Variants in CC2D2A observed in about 807,000 individuals in gnomAD.
CC2D2A encodes coiled-coil and C2 domain containing 2A.
A neutral mutation model predicts 212.9 loss-of-function variants in CC2D2A; 155 were observed. The observed-to-expected ratio is 0.73, with a 90% CI of 0.64 to 0.83. The LOEUF (loss-of-function observed/expected upper bound fraction) is 0.83, where lower values mean the gene tolerates loss of function less well. CC2D2A is among the 40% of genes least tolerant of loss of function. The probability of loss-of-function intolerance (pLI) is 0.00; values close to 1 mark genes in which losing one functional copy is unlikely to be tolerated. For missense variants in CC2D2A, 1,856 were observed against 1,956.2 expected, an observed-to-expected ratio of 0.95 and a Z score of 0.97; for synonymous variants, 667 against 686.5, an observed-to-expected ratio of 0.97 and a Z score of 0.44.
At chr4:15,599,422 C>T in intron 35 of CC2D2A, 107 bp from the exon 36 acceptor site, 1 of 701,366 alleles carries the variant, frequency 1.4e-6, no homozygotes, top group Non-Finnish European at 2.3e-6. Context: ...ACTCCATCAA[C>T]AAAAATATAG....
chr4:15,560,445 G>A lies in CC2D2A; in HGVS notation c.2923-86G>A, dbSNP rs1013018065. Reference sequence around the variant, plus strand: ...TGGAGGACTGGGGGGACACTGAGATGACATTAGGGTAAAAACTTAGAGTGT... The same window carrying A: ...TGGAGGACTGGGGGGACACTGAGATAACATTAGGGTAAAAACTTAGAGTGT... On this transcript the variant is annotated intron_variant, in intron 22 of 36. Transcript: ENST00000424120. 8 of 669,592 alleles carry A rather than the reference G, an allele frequency of 1.2e-5. No homozygotes were observed. In the South Asian group the frequency reaches 1.3e-4, roughly 11 times the overall value. 41.5% of individuals were successfully genotyped at this position (669,592 alleles called of 1,614,324 possible).
intron 31 of CC2D2A, among the ~76,000 whole-genome samples, chr4:15,586,820 T>C (rs541856952): frequency 6.6e-6 from 1 of 152,360 alleles, no homozygotes; most frequent in East Asian, 1.9e-4. Flanking sequence ...CTGGATCTCA[T>C]GTTGTACTGC....
intron 6 of CC2D2A, among the ~76,000 whole-genome samples, chr4:15,504,647 A>G (rs1286170198): frequency 6.6e-6 from 1 of 152,222 alleles, no homozygotes; most frequent in Non-Finnish European, 1.5e-5. Context: ...TTGTAGAAGT[A>G]AAAATATACT....
At position 15,601,426 on chromosome 4, in the gene CC2D2A, T is replaced by A. The variant is rs199945435; in HGVS notation, c.*1T>A. ...TGCCTCTCTTATACGCAACAGGTAA[T>A]TTTTTTCACTGTACTTTCTGTATCA... is the stretch of plus-strand genomic sequence containing the variant. On this transcript the variant is annotated 3_prime_UTR_variant, in exon 37 of 37. Transcript: ENST00000424120. 860 of 1,455,908 alleles carry A rather than the reference T, an allele frequency of 5.9e-4. 1 individual carries two copies. The highest frequency in any genetic ancestry group is 7.1e-4 in the Non-Finnish European group (779 of 1,097,768). The allele number at this position is 1,455,908 out of a possible 1,614,324, so 90.2% of individuals were successfully genotyped here. A position where few individuals can be genotyped will look rare whatever the true frequency, so the allele number is the denominator to read the frequency against.
intron 7 of CC2D2A, among the ~76,000 whole-genome samples, chr4:15,510,844 A>G (rs1398656987): frequency 6.6e-6 from 1 of 152,206 alleles, no homozygotes; most frequent in Non-Finnish European, 1.5e-5. Context: ...CAAAAGAGAA[A>G]CAACAAAAAA....
intron 26 of CC2D2A, 66 bp downstream of exon 26, chr4:15,567,852 A>G: frequency 8.5e-7 from 1 of 1,171,918 alleles, no homozygotes; most frequent in Non-Finnish European, 1.2e-6. Context: ...AAGCAGGCTC[A>G]TGAGAAACGG....
chr4:15,502,854 C>A lies in CC2D2A; in HGVS notation c.369C>A (p.Ile123=). The A allele has an allele frequency of 6.2e-7, 1 of 1,611,544 alleles. No homozygotes were observed. Among genetic ancestry groups the A allele is most frequent in the South Asian group, 1.1e-5 (1 of 90,240 alleles). Residue 123 remains isoleucine, a synonymous_variant, in exon 6 of 37, where the codon ATC becomes ATA. Transcript: ENST00000424120. ...SKAESALLQE[I]PTPRPRRLRS... ...CAGAAAGTGCATTGCTGCAGGAAAT[C>A]CCCACTCCTCGGCCCAGACGCTTAC...
chr4:15,488,516 T>G (rs933853751), intron 4 of CC2D2A, among the ~76,000 whole-genome samples: 5 of 152,234 alleles, frequency 3.3e-5, no homozygotes, highest in African/African-American at 1.2e-4. Context: ...GTCCTTGACT[T>G]TTGAGAGTGA....
intron 1 of CC2D2A, among the ~76,000 whole-genome samples, chr4:15,471,992 GC>G (rs1713862571): frequency 6.6e-6 from 1 of 152,154 alleles, no homozygotes; most frequent in Non-Finnish European, 1.5e-5. Flanking sequence ...TGTAGCCTAA[GC>G]CTTTTCTCAC....
chr4:15,586,273 G>A, intron 31 of CC2D2A, 27 bp downstream of exon 31: 1 of 1,421,670 alleles, frequency 7.0e-7, no homozygotes, highest in Non-Finnish European at 9.6e-7. Context: ...CACAGATTTA[G>A]AAACTTGAGC....
At chr4:15,557,850 TAGTC>T (rs1465022662) in intron 21 of CC2D2A, among the ~76,000 whole-genome samples, 2 of 152,234 alleles carry the variant, frequency 1.3e-5, no homozygotes, top group African/African-American at 2.4e-5. Context: ...TTGAATGCCT[TAGTC>T]AGGAATTCAA....
At chr4:15,539,410 A>C (rs1291036914) in intron 16 of CC2D2A, among the ~76,000 whole-genome samples, 2 of 152,230 alleles carry the variant, frequency 1.3e-5, no homozygotes, top group Non-Finnish European at 2.9e-5. Context: ...TGGAATCTTC[A>C]ATATCCCAAC....
rs777865405 is a variant in CC2D2A, at chr4:15,567,432, TC to T, written c.3242del (p.Pro1081GlnfsTer18). On this transcript the variant is annotated frameshift_variant, in exon 25 of 37. Coordinates refer to ENST00000424120, the MANE Select transcript of CC2D2A (RefSeq NM_001378615.1). LOFTEE classifies it high-confidence loss of function. ...SRMFSEKHAASPSTYSPTHNA... is the reference protein window; with the variant it reads ...SRMFSEKHAAXPSTYSPTHNA... ...GATGTTCAGTGAAAAGCATGCTGCT[TC>T]CCCAAGCACGTACAGCCCAACCCAC... 7 of 1,613,436 alleles carry T rather than the reference TC, an allele frequency of 4.3e-6. No individual in the cohort carries two copies. The South Asian group carries it at 7.7e-5, about 18-fold the overall frequency.
chr4:15,538,793 T>C (rs1004005184), intron 16 of CC2D2A, among the ~76,000 whole-genome samples: 1 of 152,238 alleles, frequency 6.6e-6, no homozygotes, highest in Non-Finnish European at 1.5e-5. Flanking sequence ...AATTATAACA[T>C]AATAAAAATA....
In CC2D2A at chr4:15,580,142, GTC is replaced by G. The variant is rs763360302; in HGVS notation, c.3948_3949del (p.Tyr1317ProfsTer3). On this transcript the variant is annotated frameshift_variant, in exon 30 of 37. Transcript: ENST00000424120. LOFTEE classifies it high-confidence loss of function. ...PLNPPQELLN[V>X]YPNNLQATAE... ...AAACCCTCCTCAGGAGCTCCTTAATGTCTACCCCAATAATCTACAGGCAACTG... is the reference window on the plus strand; with the variant it reads ...AAACCCTCCTCAGGAGCTCCTTAATGTACCCCAATAATCTACAGGCAACTG... 1 of 1,613,830 alleles carries G rather than the reference GTC, an allele frequency of 6.2e-7. No homozygotes were observed. The highest frequency in any genetic ancestry group is 1.7e-5 in the Admixed American group (1 of 60,018).
intron 16 of CC2D2A, 146 bp downstream of exon 16, chr4:15,538,283 T>C: frequency 2.1e-6 from 2 of 933,618 alleles, no homozygotes; most frequent in South Asian, 4.9e-5. Flanking sequence ...TAAATGAATA[T>C]TAGGTTGAAC....
chr4:15,546,321 T>C (rs1718708315), intron 17 of CC2D2A, among the ~76,000 whole-genome samples: 1 of 152,224 alleles, frequency 6.6e-6, no homozygotes, highest in Non-Finnish European at 1.5e-5. Context: ...TGTAACTTTA[T>C]CCTACATTCA....
At chr4:15,522,247 A>G (rs986906961) in intron 11 of CC2D2A, among the ~76,000 whole-genome samples, 2 of 152,194 alleles carry the variant, frequency 1.3e-5, no homozygotes, top group Admixed American at 1.3e-4. Flanking sequence ...ACAAGGAAAA[A>G]TGTTAAGAAA....
intron 6 of CC2D2A, among the ~76,000 whole-genome samples, chr4:15,508,438 T>C (rs2109004442): frequency 6.6e-6 from 1 of 152,194 alleles, no homozygotes; most frequent in Admixed American, 6.5e-5. Flanking sequence ...AAAAAAGACA[T>C]GTAAGAAAAA....
Sources: allele counts gnomAD v4.1 joint callset (sites outside exome capture counted in the v4.1 genomes callset), GRCh38; gene constraint gnomAD v4.1.1; transcripts MANE v1.5; gene names NCBI Gene and HGNC (gene_info 2026-07-23, HGNC 2026-07-21).